The following RELL1 variants were observed in gnomAD, a reference collection of about 807,000 sequenced individuals.
The protein encoded by RELL1 is RELT like 1, also known as RELT-like protein 1.
RELL1 carries 10 observed loss-of-function variants against 23.0 expected under a neutral mutation model. That is an observed-to-expected ratio of 0.43 (90% CI 0.27 to 0.74). The LOEUF (loss-of-function observed/expected upper bound fraction) is 0.74. Ranked by LOEUF, RELL1 falls within the 30% of genes least tolerant of loss-of-function variation. RELL1 has a pLI of 0.19. For missense variants in RELL1, 315 were observed against 364.4 expected, an observed-to-expected ratio of 0.86 and a Z score of 1.10; for synonymous variants, 146 against 146.8, an observed-to-expected ratio of 0.99 and a Z score of 0.04.
chr4:37,673,186 C>CTT (rs71189095), intron 1 of RELL1, among the ~76,000 whole-genome samples: 1,271 of 92,914 alleles, frequency 0.014, 152 homozygotes, highest in East Asian at 0.051. Context: ...CTTTTTTTTT[C>CTT]TTTTTTTTTT....
chr4:37,605,793 G>GAAAGAAAGAAAGAA (rs1553871642), downstream of RELL1, among the ~76,000 whole-genome samples: 1 of 90,304 alleles, frequency 1.1e-5, no homozygotes, highest in African/African-American at 3.9e-5. Flanking sequence ...GAGAAAGAAA[G>GAAAGAAAGAAAGAA]AGAAAGAAAG....
chr4:37,653,870 G>T (rs1000729551), intron 1 of RELL1, among the ~76,000 whole-genome samples: 3 of 152,190 alleles, frequency 2.0e-5, no homozygotes, highest in Non-Finnish European at 4.4e-5. Context: ...CAACTTATCA[G>T]CCAGTAATAG....
intron 6 of RELL1, among the ~76,000 whole-genome samples, chr4:37,603,942 C>T (rs530842101): frequency 1.3e-5 from 2 of 152,296 alleles, no homozygotes; most frequent in South Asian, 4.1e-4. Context: ...TCTGAGCCTC[C>T]CAAGTAGCTG....
chr4:37,666,044 G>A (rs1201489205), intron 1 of RELL1, among the ~76,000 whole-genome samples: 1 of 152,124 alleles, frequency 6.6e-6, no homozygotes, highest in Admixed American at 6.5e-5. Context: ...GGAGTGTTGG[G>A]GGTTTATGAT....
downstream of RELL1, chr4:37,588,471 G>A (rs547106691): frequency 5.9e-6 from 1 of 168,736 alleles, no homozygotes; most frequent in South Asian, 1.7e-4. Flanking sequence ...GCAGTGGGCC[G>A]TGCCCTGGTG....
chr4:37,603,385 GA>G (rs1288431306), intron 6 of RELL1, among the ~76,000 whole-genome samples: 1 of 152,186 alleles, frequency 6.6e-6, no homozygotes, highest in Admixed American at 6.5e-5. Flanking sequence ...ATGGTTCTGG[GA>G]AGATGAGGAG....
chr4:37,615,281 C>T (rs1719539443), intron 6 of RELL1, among the ~76,000 whole-genome samples: 1 of 152,210 alleles, frequency 6.6e-6, no homozygotes, highest in Non-Finnish European at 1.5e-5. Flanking sequence ...ATACAAATCA[C>T]TGCTTAAAGT....
intron 1 of RELL1, among the ~76,000 whole-genome samples, chr4:37,658,356 CGAT>C (rs1417950862): frequency 4.5e-4 from 68 of 152,232 alleles, no homozygotes; most frequent in African/African-American, 1.5e-3. Flanking sequence ...GCTCCAGAAT[CGAT>C]GATATCTGAT....
chr4:37,653,313 TGTATTGAAACCTCAATACAA>T (rs1235291318), intron 1 of RELL1, among the ~76,000 whole-genome samples: 11 of 123,186 alleles, frequency 8.9e-5, no homozygotes, highest in South Asian at 2.6e-4. Context: ...TCTTTCCCCT[TGTATTGAAACCTCAATACAA>T]GTATTGAAAC....
At position 37,649,486 on chromosome 4, in the gene RELL1, G is replaced by A. The variant is rs756592888; in HGVS notation, c.103C>T (p.Arg35Cys). Residue 35 changes from arginine to cysteine, a missense_variant, in exon 2 of 7, where the codon CGC (arginine) becomes TGC (cysteine). By Grantham distance (180) the Arg-to-Cys change is radical. Coordinates refer to ENST00000454158, the MANE Select transcript of RELL1 (RefSeq NM_001085400.2). ...PLVAPDNGSS[R>C]TLHSRTETTP... ...GTCTCTGTTCTGGAGTGCAATGTGCGGCTGCTCCCATTGTCTACAGAAAGA... is the reference window on the plus strand; with the variant it reads ...GTCTCTGTTCTGGAGTGCAATGTGCAGCTGCTCCCATTGTCTACAGAAAGA... The A allele has an allele frequency of 2.7e-5, 44 of 1,613,478 alleles. No homozygotes were observed. The highest frequency in any genetic ancestry group is 5.3e-5 in the African/African-American group (4 of 74,926).
intron 1 of RELL1, 31 bp from the exon 2 acceptor site, chr4:37,649,531 A>G (rs1382966586): frequency 1.9e-6 from 3 of 1,586,184 alleles, no homozygotes; most frequent in Admixed American, 3.3e-5. Context: ...GCTGCATTAG[A>G]TATCTGTCCA....
rs1553872212 is a variant in RELL1, at chr4:37,612,322, T to TAAAAAAAAAA, written c.*1014_*1023dup. ...AACCAAGAATCGCTCAGCTAAAGGT[T>TAAAAAAAAAA]AAAAAAAAAAAAAAAACAAAAAAAA... On this transcript the variant is annotated 3_prime_UTR_variant, in exon 7 of 7. Transcript: ENST00000454158. Among the ~76,000 whole-genome samples, 1 of 83,508 alleles carries TAAAAAAAAAA rather than the reference T, an allele frequency of 1.2e-5. No homozygotes were observed. The highest frequency in any genetic ancestry group is 5.7e-5 in the African/African-American group (1 of 17,548). The allele number at this position is 83,508 out of a possible 152,430, so 54.8% of individuals were successfully genotyped here.
chr4:37,625,980 TATATGAAA>T (rs1388811973), intron 6 of RELL1, among the ~76,000 whole-genome samples: 1 of 151,672 alleles, frequency 6.6e-6, no homozygotes, highest in Non-Finnish European at 1.5e-5. Context: ...GGCCAACAAA[TATATGAAA>T]AAAAGGCTCA....
chr4:37,636,421 C>T (rs1720330737), intron 4 of RELL1, among the ~76,000 whole-genome samples: 3 of 152,016 alleles, frequency 2.0e-5, no homozygotes, highest in Admixed American at 2.0e-4. Context: ...CAATGAAACC[C>T]CATCTCTACT....
chr4:37,663,535 G>A (rs139956071), intron 1 of RELL1, among the ~76,000 whole-genome samples: 17 of 152,286 alleles, frequency 1.1e-4, no homozygotes, highest in South Asian at 4.1e-4. Flanking sequence ...GCATTCACAC[G>A]GGGTGTTAGT....
At chr4:37,649,550 A>G (rs769620751) in intron 1 of RELL1, 50 bp from the exon 2 acceptor site, 1 of 1,502,590 alleles carries the variant, frequency 6.7e-7, no homozygotes. Context: ...CAGGGCAAGA[A>G]AAACCTAATG....
intron 6 of RELL1, among the ~76,000 whole-genome samples, chr4:37,603,220 C>G (rs1719063082): frequency 6.6e-6 from 1 of 152,140 alleles, no homozygotes; most frequent in Non-Finnish European, 1.5e-5. Flanking sequence ...TGTGGGAGGA[C>G]CTGCAGAGCT....
intron 1 of RELL1, among the ~76,000 whole-genome samples, chr4:37,677,290 C>T (rs1010984343): frequency 2.0e-5 from 3 of 152,196 alleles, no homozygotes; most frequent in African/African-American, 7.2e-5. Flanking sequence ...GGAAGAGTCC[C>T]AGAATGAGGA....
At chr4:37,638,302 C>G in intron 4 of RELL1, 145 bp downstream of exon 4, 1 of 678,298 alleles carries the variant, frequency 1.5e-6, no homozygotes, top group East Asian at 2.5e-5. Flanking sequence ...GACAGTTCCG[C>G]ACAGCAAAGA....
Sources: gnomAD v4.1 joint callset for allele counts (sites outside exome capture counted in the v4.1 genomes callset) on GRCh38, gnomAD v4.1.1 for gene constraint, MANE v1.5 for transcripts, NCBI Gene and HGNC (gene_info 2026-07-23, HGNC 2026-07-21) for gene names.